The following SCFD2 variants were observed in gnomAD, a reference collection of about 807,000 sequenced individuals.
The protein encoded by SCFD2 is sec1 family domain containing 2.
A neutral mutation model predicts 58.9 loss-of-function variants in SCFD2; 54 were observed. That is an observed-to-expected ratio of 0.92 (90% confidence interval 0.74 to 1.15). The LOEUF is 1.15. SCFD2 is among the 50% of genes most tolerant of loss of function. The pLI is 0.00. For missense variants in SCFD2, 805 were observed against 836.6 expected (o/e 0.96, Z 0.47); for synonymous variants, 321 against 335.9 (o/e 0.96, Z 0.49).
intron 4 of SCFD2, among the ~76,000 whole-genome samples, chr4:53,179,728 C>T (rs1727476835): frequency 6.6e-6 from 1 of 152,030 alleles, no homozygotes; most frequent in African/African-American, 2.4e-5. Flanking sequence ...GAGTCAAGAC[C>T]CATCAGTGTG....
chr4:52,996,583 G>A (rs1721745819), intron 5 of SCFD2, among the ~76,000 whole-genome samples: 1 of 152,218 alleles, frequency 6.6e-6, no homozygotes, highest in Admixed American at 6.5e-5. Context: ...TGCTGGTGTT[G>A]TGGATAAGCA....
intron 5 of SCFD2, among the ~76,000 whole-genome samples, chr4:53,065,313 C>T (rs1165091701): frequency 6.6e-6 from 1 of 151,866 alleles, no homozygotes; most frequent in Admixed American, 6.6e-5. Flanking sequence ...AGGGAAGTAG[C>T]CTGGGGGAAA....
intron 3 of SCFD2, among the ~76,000 whole-genome samples, chr4:53,276,094 G>A (rs1731318499): frequency 6.6e-6 from 1 of 151,556 alleles, no homozygotes; most frequent in South Asian, 2.1e-4. Flanking sequence ...CAGGTTTCTA[G>A]GACAGATGTT....
chr4:53,266,416 T>C (rs183067182), intron 4 of SCFD2, among the ~76,000 whole-genome samples: 1 of 152,350 alleles, frequency 6.6e-6, no homozygotes, highest in Admixed American at 6.5e-5. Flanking sequence ...CTTAGCTATG[T>C]ATTATGTGTA....
intron 4 of SCFD2, among the ~76,000 whole-genome samples, chr4:53,229,979 C>G (rs577260584): frequency 6.6e-6 from 1 of 152,280 alleles, no homozygotes; most frequent in South Asian, 2.1e-4. Flanking sequence ...ACAGACACTT[C>G]TCAAAAGAAG....
chr4:53,247,037 A>G (rs1445605134), intron 4 of SCFD2, among the ~76,000 whole-genome samples: 2 of 151,600 alleles, frequency 1.3e-5, no homozygotes, highest in African/African-American at 4.8e-5. Context: ...ATTAAAAATT[A>G]AGTGGGCAAA....
At chr4:52,972,884 C>T (rs1721142921) in intron 5 of SCFD2, among the ~76,000 whole-genome samples, 1 of 152,220 alleles carries the variant, frequency 6.6e-6, no homozygotes, top group African/African-American at 2.4e-5. Flanking sequence ...TGCTCAACTA[C>T]ATGGAAGCTG....
At chr4:53,186,567 A>C (rs534002852) in intron 4 of SCFD2, among the ~76,000 whole-genome samples, 1 of 152,284 alleles carries the variant, frequency 6.6e-6, no homozygotes, top group African/African-American at 2.4e-5. Flanking sequence ...AATAAAAAGC[A>C]ACAAGCAGTT....
intron 5 of SCFD2, among the ~76,000 whole-genome samples, chr4:53,138,523 C>T (rs1200005505): frequency 6.6e-6 from 1 of 152,198 alleles, no homozygotes; most frequent in African/African-American, 2.4e-5. Context: ...ACTGAGAAAG[C>T]ATAACACTAA....
intron 1 of SCFD2, among the ~76,000 whole-genome samples, chr4:53,362,472 A>C (rs1164474753): frequency 6.6e-6 from 1 of 152,186 alleles, no homozygotes; most frequent in East Asian, 1.9e-4. Flanking sequence ...TATAGGTTTC[A>C]TACTTCTTTA....
At chr4:52,885,706 C>T (rs1213114056) in intron 8 of SCFD2, 41 bp downstream of exon 8, 4 of 1,610,756 alleles carry the variant, frequency 2.5e-6, no homozygotes, top group South Asian at 1.1e-5. Context: ...CTTCACACCC[C>T]TACTTCTGAG....
At chr4:52,939,291 C>T (rs887663231) in intron 5 of SCFD2, among the ~76,000 whole-genome samples, 11 of 152,114 alleles carry the variant, frequency 7.2e-5, no homozygotes, top group African/African-American at 2.4e-5. Context: ...GGTTATCACA[C>T]CTAATCTTCT....
chr4:53,355,232 G>A (rs1402113920), intron 1 of SCFD2, among the ~76,000 whole-genome samples: 4 of 152,180 alleles, frequency 2.6e-5, no homozygotes, highest in African/African-American at 9.7e-5. Context: ...CTTATGAAAT[G>A]AACAGAGATC....
chr4:53,060,383 G>A (rs1488822628), intron 5 of SCFD2, among the ~76,000 whole-genome samples: 3 of 152,126 alleles, frequency 2.0e-5, no homozygotes, highest in Non-Finnish European at 4.4e-5. Flanking sequence ...TCATCTCCAA[G>A]TGAGTTTTAC....
intron 2 of SCFD2, among the ~76,000 whole-genome samples, chr4:53,351,534 C>T (rs1410578074): frequency 1.3e-5 from 2 of 152,148 alleles, no homozygotes; most frequent in African/African-American, 4.8e-5. Context: ...TATTTTATGT[C>T]GTTCCTGTTA....
chr4:53,023,307 G>T (rs1722394496), intron 5 of SCFD2, among the ~76,000 whole-genome samples: 2 of 152,092 alleles, frequency 1.3e-5, no homozygotes, highest in African/African-American at 4.8e-5. Flanking sequence ...CCAATTCAAT[G>T]AATTCTCTAT....
chr4:52,874,222 C>T lies in SCFD2; in HGVS notation c.1963-161G>A, dbSNP rs79935258. On this transcript the variant is annotated intron_variant, in intron 8 of 8. Transcript: ENST00000401642. ...AGGCAGCCAGCTGAATGGCACCTGG[C>T]GCTAGTGCCCTGCCTGGAAGGAGGG... is the stretch of plus-strand genomic sequence containing the variant. Among the ~76,000 whole-genome samples, 470 of 152,206 alleles carry T rather than the reference C, an allele frequency of 3.1e-3. 3 individuals are homozygous for T. The highest frequency in any genetic ancestry group is 4.4e-3 in the East Asian group (23 of 5,174).
chr4:53,328,896 C>T (rs1021988003), intron 2 of SCFD2, among the ~76,000 whole-genome samples: 40 of 152,288 alleles, frequency 2.6e-4, no homozygotes, highest in South Asian at 1.0e-3. Context: ...GCGCACCATG[C>T]GCGAGCCGAA....
At chr4:52,990,686 TA>T (rs1721595335) in intron 5 of SCFD2, among the ~76,000 whole-genome samples, 1 of 152,168 alleles carries the variant, frequency 6.6e-6, no homozygotes, top group Non-Finnish European at 1.5e-5. Flanking sequence ...ATTCTCTTAC[TA>T]AAGCATACAC....
Sources: allele counts gnomAD v4.1 joint callset (sites outside exome capture counted in the v4.1 genomes callset), GRCh38; gene constraint gnomAD v4.1.1; transcripts MANE v1.5; gene names NCBI Gene and HGNC (gene_info 2026-07-23, HGNC 2026-07-21).